PPARGC1B: variants seen among roughly 807,000 people sequenced by gnomAD.
PPARGC1B encodes peroxisome proliferator-activated receptor gamma coactivator 1-beta.
PPARGC1B carries 34 observed loss-of-function variants against 101.6 expected under a neutral mutation model. The ratio of observed to expected loss-of-function variants is 0.33; its 90% CI spans 0.25 to 0.45. The LOEUF is 0.45. Ranked by LOEUF, PPARGC1B falls within the 20% of genes least tolerant of loss-of-function variation. The pLI is 1.00. For synonymous variants in PPARGC1B, 548 were observed against 539.3 expected (o/e 1.02, Z -0.22); for missense variants, 1,234 against 1,317.6 (o/e 0.94, Z 0.98).
At chr5:149,747,193 G>A (rs571216906) in intron 1 of PPARGC1B, among the ~76,000 whole-genome samples, 1 of 152,138 alleles carries the variant, frequency 6.6e-6, no homozygotes, top group East Asian at 1.9e-4. Flanking sequence ...GGAAGCCTTT[G>A]CCTGCTTTGT....
At chr5:149,745,441 GCTT>G (rs1755052583) in intron 1 of PPARGC1B, among the ~76,000 whole-genome samples, 1 of 152,152 alleles carries the variant, frequency 6.6e-6, no homozygotes, top group Non-Finnish European at 1.5e-5. Context: ...AGGCCCTTAA[GCTT>G]CTCTGTCTTT....
intron 1 of PPARGC1B, among the ~76,000 whole-genome samples, chr5:149,777,515 T>C (rs1194001897): frequency 6.6e-6 from 1 of 152,070 alleles, no homozygotes; most frequent in East Asian, 1.9e-4. Flanking sequence ...GGCTCTGAGC[T>C]CAGGAGTGTG....
intron 1 of PPARGC1B, among the ~76,000 whole-genome samples, chr5:149,806,765 G>T (rs1757615289): frequency 6.6e-6 from 1 of 151,858 alleles, no homozygotes; most frequent in South Asian, 2.1e-4. Flanking sequence ...CCACCACCAT[G>T]CCCAGCTAAT....
chr5:149,772,924 A>G (rs1156441467), intron 1 of PPARGC1B, among the ~76,000 whole-genome samples: 1 of 152,150 alleles, frequency 6.6e-6, no homozygotes, highest in Non-Finnish European at 1.5e-5. Context: ...GTATGATGGT[A>G]TCCTATGCCA....
At chr5:149,740,528 T>C (rs1039223017) in intron 1 of PPARGC1B, among the ~76,000 whole-genome samples, 1 of 152,202 alleles carries the variant, frequency 6.6e-6, no homozygotes, top group Non-Finnish European at 1.5e-5. Flanking sequence ...CCTTAGCAAG[T>C]GTTGCAATAC....
intron 11 of PPARGC1B, chr5:149,847,045 C>A: frequency 3.4e-6 from 1 of 290,744 alleles, no homozygotes; most frequent in Non-Finnish European, 6.8e-6. Context: ...AGATCACATC[C>A]CTGCACTCCA....
At chr5:149,821,395 T>C (rs1263856755) in intron 2 of PPARGC1B, among the ~76,000 whole-genome samples, 1 of 152,186 alleles carries the variant, frequency 6.6e-6, no homozygotes, top group Non-Finnish European at 1.5e-5. Context: ...TGGGGTTTGC[T>C]TCAGAAGAAA....
chr5:149,840,058 C>T lies in PPARGC1B; in HGVS notation c.2636C>T (p.Pro879Leu), dbSNP rs762919724. 26 of 1,613,942 alleles carry T rather than the reference C, an allele frequency of 1.6e-5. No homozygotes were observed. Among genetic ancestry groups the T allele is most frequent in the Admixed American group, 1.3e-4 (8 of 60,002 alleles). Residue 879 changes from proline (P) to leucine (L), a missense_variant, in exon 9 of 12, where the codon CCG becomes CTG. Physicochemically the swap from Pro to Leu is moderately conservative, Grantham distance 98. Transcript: ENST00000309241. ...ACTGACAGATGTGAGAGCAGAGGGC[C>T]GTGTTCAGACAGAACGCCAAGCATC... Reference protein sequence around the residue: ...RRNFRCESRGPCSDRTPSIRH... With the variant: ...RRNFRCESRGLCSDRTPSIRH...
At chr5:149,776,059 A>G (rs1013772935) in intron 1 of PPARGC1B, among the ~76,000 whole-genome samples, 1 of 152,234 alleles carries the variant, frequency 6.6e-6, no homozygotes, top group African/African-American at 2.4e-5. Context: ...CTTCTCTGCC[A>G]TACCAAGATA....
At chr5:149,820,855 C>T (rs1235783160) in intron 2 of PPARGC1B, among the ~76,000 whole-genome samples, 2 of 152,174 alleles carry the variant, frequency 1.3e-5, no homozygotes, top group African/African-American at 4.8e-5. Context: ...CTCTAGGCCT[C>T]CCGAGCAGAA....
chr5:149,808,974 A>C (rs1757699977), intron 1 of PPARGC1B, among the ~76,000 whole-genome samples: 1 of 152,132 alleles, frequency 6.6e-6, no homozygotes, highest in Non-Finnish European at 1.5e-5. Context: ...TGAACTGCAC[A>C]CTTAAAAATG....
At chr5:149,749,546 G>A (rs1221567202) in intron 1 of PPARGC1B, among the ~76,000 whole-genome samples, 1 of 152,116 alleles carries the variant, frequency 6.6e-6, no homozygotes, top group African/African-American at 2.4e-5. Flanking sequence ...GCCACATCTC[G>A]CCATTGTATG....
At chr5:149,776,677 A>G (rs1046806232) in intron 1 of PPARGC1B, among the ~76,000 whole-genome samples, 2 of 152,192 alleles carry the variant, frequency 1.3e-5, no homozygotes, top group African/African-American at 4.8e-5. Context: ...GGCCCTGGGA[A>G]TGACCCACCC....
intron 1 of PPARGC1B, among the ~76,000 whole-genome samples, chr5:149,746,744 A>G (rs1755107215): frequency 6.6e-6 from 1 of 152,110 alleles, no homozygotes; most frequent in African/African-American, 2.4e-5. Flanking sequence ...CAATTTCTCC[A>G]TATCCTCTCT....
intron 1 of PPARGC1B, among the ~76,000 whole-genome samples, chr5:149,812,727 C>T (rs1443921525): frequency 1.3e-5 from 2 of 152,244 alleles, no homozygotes; most frequent in East Asian, 3.8e-4. Context: ...ATCCAGCCAG[C>T]GCAGCCCCCT....
At position 149,847,829 on chromosome 5, in the gene PPARGC1B, G is replaced by A. The variant is rs189086807; in HGVS notation, c.*271G>A. 2 of 468,150 alleles carry A rather than the reference G, an allele frequency of 4.3e-6. No individual in the cohort carries two copies. Among genetic ancestry groups the A allele is most frequent in the East Asian group, 3.6e-5 (1 of 28,034 alleles). The allele number at this position is 468,150 out of a possible 1,614,324, so 29.0% of individuals were successfully genotyped here. On this transcript the variant is annotated 3_prime_UTR_variant, in exon 12 of 12. Transcript: ENST00000309241. Reference sequence around the variant, plus strand: ...CAACGGGTTGTCCCGGGTGCACCTCGAAGTGCCGGGTCCGTCACCCATCGC... The same window carrying A: ...CAACGGGTTGTCCCGGGTGCACCTCAAAGTGCCGGGTCCGTCACCCATCGC...
At chr5:149,781,067 T>A (rs558312414) in intron 1 of PPARGC1B, among the ~76,000 whole-genome samples, 1 of 152,236 alleles carries the variant, frequency 6.6e-6, no homozygotes, top group South Asian at 2.1e-4. Flanking sequence ...TAGCCAGGCA[T>A]GGTAGTGGGC....
intron 2 of PPARGC1B, among the ~76,000 whole-genome samples, chr5:149,824,409 C>G (rs1758424098): frequency 6.6e-6 from 1 of 152,160 alleles, no homozygotes; most frequent in Non-Finnish European, 1.5e-5. Flanking sequence ...TGGTGCCTCC[C>G]ATGTCCCAGG....
chr5:149,836,956 A>G lies in PPARGC1B; in HGVS notation c.2501A>G (p.His834Arg). Residue 834 changes from histidine to arginine, a missense_variant, in exon 8 of 12, where the codon CAC (histidine) becomes CGC (arginine). By Grantham distance (29) the His-to-Arg change is conservative. Transcript: ENST00000309241. Reference sequence around the variant, plus strand: ...GGGGTCAGCCCCACTTGCTCTGACCACTGCCCCTACCAGAGCCCACCAAGC... The same window carrying G: ...GGGGTCAGCCCCACTTGCTCTGACCGCTGCCCCTACCAGAGCCCACCAAGC... ...DSGVSPTCSD[H>R]CPYQSPPSKA... The G allele has an allele frequency of 6.2e-7, 1 of 1,614,058 alleles. No homozygotes were observed. The highest frequency in any genetic ancestry group is 8.5e-7 in the Non-Finnish European group (1 of 1,180,024).
Sources: gnomAD v4.1 joint callset for allele counts (sites outside exome capture counted in the v4.1 genomes callset) on GRCh38, gnomAD v4.1.1 for gene constraint, MANE v1.5 for transcripts, NCBI Gene and HGNC (gene_info 2026-07-23, HGNC 2026-07-21) for gene names.